BTNL8: variants seen among roughly 807,000 people sequenced by gnomAD.
The protein encoded by BTNL8 is butyrophilin-like protein 8.
In BTNL8, 22 loss-of-function variants were observed where a neutral mutation model predicts 36.1. That is an observed-to-expected ratio of 0.61 (90% CI 0.44 to 0.87). The LOEUF (loss-of-function observed/expected upper bound fraction) is 0.87. Ranked by LOEUF, BTNL8 falls within the 40% of genes least tolerant of loss-of-function variation. BTNL8 has a pLI of 0.00. For synonymous variants in BTNL8, 203 were observed against 235.6 expected, an observed-to-expected ratio of 0.86 and a Z score of 1.27; for missense variants, 526 against 616.9, an observed-to-expected ratio of 0.85 and a Z score of 1.56.
intron 7 of BTNL8, 193 bp from the exon 8 acceptor site, chr5:180,949,711 C>A: frequency 1.5e-6 from 1 of 685,090 alleles, no homozygotes; most frequent in Non-Finnish European, 2.4e-6. Context: ...TGAGACATAT[C>A]TAGACATTGA....
intron 3 of BTNL8, among the ~76,000 whole-genome samples, chr5:180,925,060 T>C (rs1320479431): frequency 2.0e-5 from 3 of 152,156 alleles, no homozygotes; most frequent in Admixed American, 6.5e-5. Flanking sequence ...AGGCAAAGAA[T>C]CACTGGGCTT....
At chr5:180,921,690 C>G (rs1318176747) in intron 3 of BTNL8, among the ~76,000 whole-genome samples, 1 of 143,588 alleles carries the variant, frequency 7.0e-6, no homozygotes, top group Non-Finnish European at 1.5e-5. Context: ...CACACACACA[C>G]ACACAGACAC....
At chr5:180,941,519 C>T (rs1758952413) in intron 3 of BTNL8, among the ~76,000 whole-genome samples, 1 of 152,084 alleles carries the variant, frequency 6.6e-6, no homozygotes, top group Admixed American at 6.5e-5. Context: ...GGCCAATATT[C>T]ATTATGAACA....
At chr5:180,942,329 T>C (rs1022980990) in intron 3 of BTNL8, among the ~76,000 whole-genome samples, 1 of 152,288 alleles carries the variant, frequency 6.6e-6, no homozygotes, top group African/African-American at 2.4e-5. Flanking sequence ...ATGTTCCTGA[T>C]GTAAGAGAAT....
At chr5:180,932,294 A>G (rs918009309) in intron 3 of BTNL8, among the ~76,000 whole-genome samples, 11 of 152,222 alleles carry the variant, frequency 7.2e-5, no homozygotes, top group East Asian at 5.8e-4. Flanking sequence ...AGCATGGCAC[A>G]TGTATACCTA....
At chr5:180,932,619 G>C (rs950753423) in intron 3 of BTNL8, among the ~76,000 whole-genome samples, 1 of 152,160 alleles carries the variant, frequency 6.6e-6, no homozygotes, top group Non-Finnish European at 1.5e-5. Flanking sequence ...AAAGTGCTGG[G>C]ATTACAGGCG....
At chr5:180,940,573 A>G (rs1184157808) in intron 3 of BTNL8, among the ~76,000 whole-genome samples, 1 of 152,188 alleles carries the variant, frequency 6.6e-6, no homozygotes. Flanking sequence ...AATAAATGAA[A>G]TAAAGACCAA....
intron 2 of BTNL8, chr5:180,909,596 G>A (rs780173681): frequency 2.0e-6 from 2 of 984,626 alleles, no homozygotes; most frequent in Non-Finnish European, 2.4e-6. Context: ...TGTATTTGAC[G>A]GGGCTGGGTG....
intron 3 of BTNL8, among the ~76,000 whole-genome samples, chr5:180,941,117 GAA>G (rs1758920511): frequency 4.7e-5 from 4 of 85,732 alleles, no homozygotes; most frequent in Non-Finnish European, 1.2e-4. Context: ...AGGGAGGAAG[GAA>G]GGAAGGAAGG....
intron 3 of BTNL8, among the ~76,000 whole-genome samples, chr5:180,928,363 C>A (rs1250672749): frequency 6.6e-6 from 1 of 152,172 alleles, no homozygotes; most frequent in Non-Finnish European, 1.5e-5. Context: ...AAAACCAGTA[C>A]CAGCCATTGC....
chr5:180,947,541 C>G lies in BTNL8; in HGVS notation c.703C>G (p.Leu235Val), dbSNP rs1582067739. ...DTFFEPISWH[L>V]ATKVLGILCC... is the part of the protein sequence containing the mutation. The stretch of plus-strand genomic sequence containing the variant: ...CTTTTTCGAGCCTATATCGTGGCAC[C>G]TGGCTACCAAAGTACTGGGAATACT... Residue 235 changes from leucine (L) to valine (V), a missense_variant, in exon 4 of 8, where the codon CTG becomes GTG. This residue lies in a region of BTNL8 where 350 missense variants were observed against 324.6 expected (regional missense o/e 1.08). Coordinates refer to ENST00000340184, the MANE Select transcript of BTNL8 (RefSeq NM_001040462.3). 1.2e-6 allele frequency: 2 copies of G among 1,613,940 alleles called. No individual in the cohort carries two copies. The highest frequency in any genetic ancestry group is 1.7e-6 in the Non-Finnish European group (2 of 1,179,830).
rs774753065 is a variant in BTNL8 at position 180,947,558 on chromosome 5, G to C, written c.720G>C (p.Leu240=). The C allele has an allele frequency of 5.0e-6, 8 of 1,613,848 alleles. No individual in the cohort carries two copies. The highest frequency in any genetic ancestry group is 5.9e-6 in the Non-Finnish European group (7 of 1,179,844). ...CGTGGCACCTGGCTACCAAAGTACT[G>C]GGAATACTCTGCTGTGGCCTATTTT... ...PISWHLATKV[L]GILCCGLFFG... is the part of the protein sequence containing the mutation. The change falls in exon 4 of 8, where the codon CTG becomes CTC. Residue 240 remains leucine, a synonymous_variant. Coordinates refer to ENST00000340184, the MANE Select transcript of BTNL8 (RefSeq NM_001040462.3).
chr5:180,934,788 G>T (rs1758566493), intron 3 of BTNL8, among the ~76,000 whole-genome samples: 1 of 152,172 alleles, frequency 6.6e-6, no homozygotes, highest in African/African-American at 2.4e-5. Context: ...CTCCTGGAAG[G>T]GCTGCAGCTC....
At chr5:180,930,568 C>T (rs1276790843) in intron 3 of BTNL8, among the ~76,000 whole-genome samples, 2 of 152,190 alleles carry the variant, frequency 1.3e-5, no homozygotes, top group African/African-American at 2.4e-5. Context: ...ACCCCGGTGT[C>T]TCAGCCCCAA....
At chr5:180,902,524 T>G (rs1047100141) in intron 1 of BTNL8, 7 of 936,012 alleles carry the variant, frequency 7.5e-6, no homozygotes, top group Non-Finnish European at 1.1e-5. Flanking sequence ...AGGGTTTTTT[T>G]TTTTGTTTTT....
At chr5:180,930,665 A>C (rs931732017) in intron 3 of BTNL8, among the ~76,000 whole-genome samples, 1 of 152,202 alleles carries the variant, frequency 6.6e-6, no homozygotes, top group African/African-American at 2.4e-5. Flanking sequence ...ATACACTAAT[A>C]ATAGACAAAC....
intron 3 of BTNL8, among the ~76,000 whole-genome samples, chr5:180,936,700 A>T (rs984929376): frequency 6.6e-6 from 1 of 152,198 alleles, no homozygotes; most frequent in African/African-American, 2.4e-5. Flanking sequence ...GGAATTGTGG[A>T]CGAACACAGC....
chr5:180,945,766 A>G (rs1759204440), intron 3 of BTNL8: 1 of 505,082 alleles, frequency 2.0e-6, no homozygotes, highest in Admixed American at 2.0e-5. Flanking sequence ...ATGGGTCACC[A>G]GCAGCTGTAC....
intron 1 of BTNL8, among the ~76,000 whole-genome samples, chr5:180,900,685 G>A (rs1305260613): frequency 3.9e-5 from 6 of 152,312 alleles, no homozygotes; most frequent in African/African-American, 7.2e-5. Context: ...CCAGTGATTC[G>A]TTGAGCAGGT....
Sources: allele counts gnomAD v4.1 joint callset (sites outside exome capture counted in the v4.1 genomes callset), GRCh38; gene constraint gnomAD v4.1.1; regional missense constraint gnomAD v4.1.1; transcripts MANE v1.5; gene names NCBI Gene and HGNC (gene_info 2026-07-23, HGNC 2026-07-21).